The following ESPN variants were observed in gnomAD, a reference collection of about 807,000 sequenced individuals.
The protein encoded by ESPN is autosomal recessive deafness type 36 protein.
In ESPN, 68 loss-of-function variants were observed where a neutral mutation model predicts 77.7. The ratio of observed to expected loss-of-function variants is 0.87; its 90% confidence interval spans 0.72 to 1.07. The LOEUF (loss-of-function observed/expected upper bound fraction) is 1.07. ESPN is among the 50% of genes least tolerant of loss of function. The pLI is 0.00. For synonymous variants in ESPN, 449 were observed against 567.1 expected (o/e 0.79, Z 2.96); for missense variants, 1,060 against 1,239.0 (o/e 0.86, Z 2.17).
In ESPN at chr1:6,457,220, G is replaced by A. The variant is rs747060451; in HGVS notation, c.2362G>A (p.Ala788Thr). ...EEEARLASMP[A>T]WRRDLLRKKL... ...GGAGGCCCGGCTGGCCAGCATGCCC[G>A]CCTGGAGGCGGGACCTCCTGCGGAA... is the stretch of plus-strand genomic sequence containing the variant. The change falls in exon 11 of 13, where the codon GCC becomes ACC. Residue 788 changes from alanine to threonine, a missense_variant. By Grantham distance (58) the Ala-to-Thr change is moderately conservative (BLOSUM62 0). Coordinates refer to ENST00000645284, the MANE Select transcript of ESPN (RefSeq NM_031475.3). The A allele has an allele frequency of 1.4e-5, 23 of 1,612,450 alleles. No individual in the cohort carries two copies. Among genetic ancestry groups the A allele is most frequent in the South Asian group, 6.6e-5 (6 of 90,912 alleles).
rs759497805 is a variant in ESPN at position 6,425,172 on chromosome 1, C to G, written c.217C>G (p.Pro73Ala). 19 of 1,532,470 alleles carry G rather than the reference C, an allele frequency of 1.2e-5. 1 individual carries two copies. In the South Asian group the frequency reaches 1.8e-4, roughly 14 times the overall value. 94.9% of individuals were successfully genotyped at this position (1,532,470 alleles called of 1,614,324 possible). ...AAARARNGAT[P>A]AHDASATGHL... Reference sequence around the variant, plus strand: ...GGCCCGCGCCCGCAACGGCGCCACACCGGCCCACGACGCCTCCGCCACCGG... The same window carrying G: ...GGCCCGCGCCCGCAACGGCGCCACAGCGGCCCACGACGCCTCCGCCACCGG... Residue 73 changes from proline (P) to alanine (A), a missense_variant, in exon 1 of 13, where the codon CCG (proline) becomes GCG (alanine). By Grantham distance (27) the Pro-to-Ala change is conservative (BLOSUM62 -1). Around this residue, in one of 3 missense-constraint regions of ESPN, gnomAD observed 556 missense variants for 633.6 expected, o/e 0.88. Transcript: ENST00000645284.
At chr1:6,455,666 G>C (rs1400107472) in intron 10 of ESPN, 1 of 399,050 alleles carries the variant, frequency 2.5e-6, no homozygotes, top group African/African-American at 2.1e-5. Flanking sequence ...GCTACTTCCA[G>C]CTACTCGAGA....
At chr1:6,436,607 T>G (rs1569622558) in intron 2 of ESPN, among the ~76,000 whole-genome samples, 1 of 151,990 alleles carries the variant, frequency 6.6e-6, no homozygotes, top group African/African-American at 2.4e-5. Flanking sequence ...TGGACTCAAG[T>G]GATCCTACCT....
In ESPN at chr1:6,440,288, C is replaced by T; in HGVS notation, c.523C>T (p.Pro175Ser). The T allele has an allele frequency of 1.3e-6, 2 of 1,552,468 alleles. No individual in the cohort carries two copies. Among genetic ancestry groups the T allele is most frequent in the Non-Finnish European group, 1.7e-6 (2 of 1,148,198 alleles). The change falls in exon 3 of 13, where the codon CCC becomes TCC. Residue 175 changes from proline to serine, a missense_variant. Pro to Ser is a moderately conservative substitution (Grantham distance 74). This residue lies in a region of ESPN where 556 missense variants were observed against 633.6 expected (regional missense o/e 0.88). Transcript: ENST00000645284. ...TGCCCAAACCAAGAACGGTGCCACG[C>T]CCCTGTACCTGGCGTGCCAGGAGGG... ...VNAQTKNGAT[P>S]LYLACQEGHL...
At chr1:6,441,863 C>G (rs983199831) in intron 5 of ESPN, among the ~76,000 whole-genome samples, 1 of 152,184 alleles carries the variant, frequency 6.6e-6, no homozygotes, top group Non-Finnish European at 1.5e-5. Flanking sequence ...CTGCCCTCCC[C>G]CCCCCAGCAC....
At position 6,449,353 on chromosome 1, in the gene ESPN, T is replaced by C. The variant is rs533842120; in HGVS notation, c.1915+262T>C. On this transcript the variant is annotated intron_variant, in intron 8 of 12. Coordinates refer to ENST00000645284, the MANE Select transcript of ESPN (RefSeq NM_031475.3). ...GCCTGCCTCCCACCCCCTAGCTGTG[T>C]GGCCTGGGCAAGTCCCCTCCCCTCT... Among the ~76,000 whole-genome samples, 4 of 152,186 alleles carry C rather than the reference T, an allele frequency of 2.6e-5. No individual in the cohort carries two copies. In the East Asian group the frequency reaches 5.8e-4, roughly 22 times the overall value.
At chr1:6,459,244 TAAA>T (rs56360855) in intron 12 of ESPN, among the ~76,000 whole-genome samples, 1 of 141,088 alleles carries the variant, frequency 7.1e-6, no homozygotes, top group African/African-American at 2.6e-5. Context: ...CTGTCTCAAT[TAAA>T]AAAAAAAAAA....
At chr1:6,458,993 C>T (rs1267706239) in intron 12 of ESPN, among the ~76,000 whole-genome samples, 1 of 150,858 alleles carries the variant, frequency 6.6e-6, no homozygotes, top group African/African-American at 2.4e-5. Context: ...GTAATCCCAG[C>T]ACTTTGGGAG....
At chr1:6,439,456 G>A (rs1341203341) in intron 2 of ESPN, among the ~76,000 whole-genome samples, 5 of 152,198 alleles carry the variant, frequency 3.3e-5, no homozygotes, top group Admixed American at 2.0e-4. Context: ...AATCAGTTAT[G>A]GTCAACCAAG....
At chr1:6,431,956 AC>A (rs982791677) in intron 2 of ESPN, among the ~76,000 whole-genome samples, 2 of 152,182 alleles carry the variant, frequency 1.3e-5, no homozygotes, top group African/African-American at 4.8e-5. Context: ...AGGCTGATTC[AC>A]CAGCTGTGGT....
chr1:6,461,151 TTTTTG>T (rs201625425), downstream of ESPN: 54 of 639,128 alleles, frequency 8.4e-5, no homozygotes, highest in East Asian at 6.7e-4. This position sits in a 1 kb window ranked among gnomAD's most constrained non-coding sequence, Gnocchi z 6.3. Context: ...CAAGAAGCCG[TTTTTG>T]TTTTGTTTTG....
chr1:6,456,733 C>T (rs1308317604), intron 10 of ESPN: 6 of 271,338 alleles, frequency 2.2e-5, no homozygotes, highest in South Asian at 5.1e-5. Flanking sequence ...TTGTAGTGCC[C>T]GTATCCACTC....
chr1:6,440,476 G>GGGGCGGAGCCGGCA (rs1643583863), intron 3 of ESPN, 36 bp downstream of exon 3: 1 of 1,499,784 alleles, frequency 6.7e-7, no homozygotes, highest in Non-Finnish European at 8.9e-7. Context: ...CAGGGGAGGC[G>GGGGCGGAGCCGGCA]GGGCGGAGCC....
chr1:6,440,984 C>T lies in ESPN; in HGVS notation c.909C>T (p.Arg303=), dbSNP rs2311045. The T allele has an allele frequency of 1.9e-6, 3 of 1,606,332 alleles. No homozygotes were observed. Among genetic ancestry groups the T allele is most frequent in the Non-Finnish European group, 2.5e-6 (3 of 1,177,522 alleles). Residue 303 remains arginine, a synonymous_variant, in exon 5 of 13, where the codon CGC becomes CGT. Transcript: ENST00000645284. ...VNGAELDVRD[R]DGYTAADLSD... ...GCGCGGAGCTGGACGTCCGCGACCG[C>T]GACGGGTACACGGCCGCCGACCTGT...
rs1160166737 is a variant in ESPN, at chr1:6,440,256, G to A, written c.491G>A (p.Gly164Glu). ...CGGTGGGCGCTGTGTCTCCGCAGGG[G>A]AGTGAATGCCCAAACCAAGAACGGT... is the stretch of plus-strand genomic sequence containing the variant. ...LRLLVEHYPE[G>E]VNAQTKNGAT... Residue 164 changes from glycine (G) to glutamate (E), a missense_variant and splice_region_variant, in exon 3 of 13, where the codon GGA (glycine) becomes GAA (glutamate). Transcript: ENST00000645284. 86 of 1,548,892 alleles carry A rather than the reference G, an allele frequency of 5.6e-5. No homozygotes were observed. The highest frequency in any genetic ancestry group is 7.5e-5 in the Non-Finnish European group (86 of 1,146,540).
chr1:6,451,589 C>A lies in ESPN; in HGVS notation c.1916-14C>A. 1.9e-6 allele frequency: 3 copies of A among 1,611,500 alleles called. No individual in the cohort carries two copies. The highest frequency in any genetic ancestry group is 1.7e-6 in the Non-Finnish European group (2 of 1,179,250). On this transcript the variant is annotated splice_polypyrimidine_tract_variant and intron_variant, in intron 8 of 12. Coordinates refer to ENST00000645284, the MANE Select transcript of ESPN (RefSeq NM_031475.3). This position sits in a 1 kb window ranked among gnomAD's most constrained non-coding sequence, Gnocchi z 4.3. ...CCCACCCTGGCCAGTGCCTCATCTC[C>A]TGCCTCCGCATAGGCACCAAGTCTT...
At chr1:6,442,000 A>G (rs1359113368) in intron 5 of ESPN, among the ~76,000 whole-genome samples, 1 of 152,216 alleles carries the variant, frequency 6.6e-6, no homozygotes, top group Non-Finnish European at 1.5e-5. Context: ...ATGGCCCAGC[A>G]GGTAGTGAGC....
At position 6,427,745 on chromosome 1, in the gene ESPN, G is replaced by T. The variant is rs1372032160; in HGVS notation, c.295-481G>T. ...CCGAGGAAGGGTGGAGAGATCGGGG[G>T]CAAGTGTTGGATGCAGGGGGTGACC... On this transcript the variant is annotated intron_variant, in intron 1 of 12. Transcript: ENST00000645284. The surrounding 1 kb of genome is among the most constrained non-coding windows in gnomAD (Gnocchi z 4.6). 1.3e-5 allele frequency among the ~76,000 whole-genome samples: 2 copies of T among 152,230 alleles called. No homozygotes were observed. The highest frequency in any genetic ancestry group is 4.8e-5 in the African/African-American group (2 of 41,462).
chr1:6,442,069 A>G (rs990339018), intron 5 of ESPN, among the ~76,000 whole-genome samples: 12 of 152,310 alleles, frequency 7.9e-5, no homozygotes, highest in South Asian at 4.1e-4. Context: ...TTCTGCATCA[A>G]TGGTGGGTCC....
Sources: allele counts gnomAD v4.1 joint callset (sites outside exome capture counted in the v4.1 genomes callset), GRCh38; gene constraint gnomAD v4.1.1; regional missense constraint gnomAD v4.1.1; non-coding constraint Gnocchi (gnomAD v3.1); transcripts MANE v1.5; gene names NCBI Gene and HGNC (gene_info 2026-07-23, HGNC 2026-07-21).